Variants in SLC30A7 observed in about 807,000 individuals in gnomAD.
The protein encoded by SLC30A7 is zinc transporter 7.
A neutral mutation model predicts 46.0 loss-of-function variants in SLC30A7; 35 were observed. That is an observed-to-expected ratio of 0.76 (90% CI 0.58 to 1.01). SLC30A7 has a LOEUF of 1.01. Among genes scored for constraint, SLC30A7 ranks in the 50% least tolerant of loss-of-function variants. The pLI, the probability that SLC30A7 is intolerant of heterozygous loss-of-function variation, is 0.00. For synonymous variants in SLC30A7, 147 were observed against 157.8 expected (o/e 0.93, Z 0.51); for missense variants, 464 against 451.1 (o/e 1.03, Z -0.26).
chr1:100,949,224 A>T (rs560072580), intron 8 of SLC30A7, among the ~76,000 whole-genome samples: 1 of 152,090 alleles, frequency 6.6e-6, no homozygotes, highest in Non-Finnish European at 1.5e-5. Context: ...GGTTGATGCT[A>T]TGCCTTTCTG....
At chr1:100,991,120 A>AT in the SLC30A7 span, among the ~76,000 whole-genome samples, 16,808 of 152,274 alleles carry the variant, frequency 0.11, 1,091 homozygotes, top group Non-Finnish European at 0.15. Flanking sequence ...TTAAAATGTA[A>AT]TACTCCCTCT....
the SLC30A7 span, among the ~76,000 whole-genome samples, chr1:100,993,279 G>A: frequency 7.2e-5 from 11 of 152,116 alleles, no homozygotes; most frequent in South Asian, 1.2e-3. Context: ...CAGGCCAGGC[G>A]TGGTGGCTCA....
At chr1:100,970,033 T>C (rs2101097591) in intron 10 of SLC30A7, among the ~76,000 whole-genome samples, 1 of 152,298 alleles carries the variant, frequency 6.6e-6, no homozygotes, top group Non-Finnish European at 1.5e-5. Context: ...AAATTACATC[T>C]TATAAATTTT....
At chr1:100,985,046 T>C (rs1403773317), downstream of SLC30A7, among the ~76,000 whole-genome samples, 4 of 152,084 alleles carry the variant, frequency 2.6e-5, no homozygotes, top group Non-Finnish European at 4.4e-5. Flanking sequence ...AACATACAGA[T>C]GGACTTAACA....
At chr1:100,901,515 C>T (rs749291813) in intron 2 of SLC30A7, among the ~76,000 whole-genome samples, 11 of 152,050 alleles carry the variant, frequency 7.2e-5, no homozygotes, top group South Asian at 4.1e-4. Context: ...AATGCAGTGG[C>T]GCGATCTTGG....
chr1:100,990,248 A>C, the SLC30A7 span: 25 of 648,820 alleles, frequency 3.9e-5, no homozygotes, highest in Non-Finnish European at 4.5e-5. Context: ...TATCATGAGA[A>C]TAGCATGAGG....
Position 100,896,635 on chromosome 1 carries a change from C to G in SLC30A7, c.146C>G (p.Ala49Gly), listed in dbSNP as rs1386711576. The G allele has an allele frequency of 6.2e-7, 1 of 1,614,120 alleles. No homozygotes were observed. Among genetic ancestry groups the G allele is most frequent in the Admixed American group, 1.7e-5 (1 of 60,020 alleles). The part of the protein sequence containing the change: ...FFFLCLNLSF[A>G]FVELLYGIWS... ...TTCCTGTGCCTGAACCTCTCTTTCG[C>G]TTTTGTGGAACTACTCTACGGCATC... is the stretch of plus-strand genomic sequence containing the variant. Residue 49 changes from alanine to glycine, a missense_variant, in exon 2 of 11, where the codon GCT (alanine) becomes GGT (glycine). By Grantham distance (60) the Ala-to-Gly change is moderately conservative (BLOSUM62 0). Coordinates refer to ENST00000357650, the MANE Select transcript of SLC30A7 (RefSeq NM_133496.5).
Position 100,906,916 on chromosome 1 carries a change from G to T in SLC30A7, c.247G>T (p.Ala83Ser). 6.2e-7 allele frequency: 1 copy of T among 1,613,328 alleles called. No homozygotes were observed. The highest frequency in any genetic ancestry group is 8.5e-7 in the Non-Finnish European group (1 of 1,179,508). ...TAGCACTGCCATTTTGGCTGGACTG[G>T]CAGCTTCTGTTATTTCAAAATGGAG... ...FDSTAILAGLAASVISKWRDN... is the reference protein window; with the variant it reads ...FDSTAILAGLSASVISKWRDN... The change falls in exon 3 of 11, where the codon GCA becomes TCA. Residue 83 changes from alanine (A) to serine (S), a missense_variant. Coordinates refer to ENST00000357650, the MANE Select transcript of SLC30A7 (RefSeq NM_133496.5).
intron 5 of SLC30A7, 23 bp downstream of exon 5, chr1:100,912,261 T>C (rs764465381): frequency 6.2e-7 from 1 of 1,602,164 alleles, no homozygotes. Context: ...GGACACTTTG[T>C]TTCTTCATTT....
At chr1:100,959,363 T>C (rs531902670) in intron 8 of SLC30A7, among the ~76,000 whole-genome samples, 1 of 152,284 alleles carries the variant, frequency 6.6e-6, no homozygotes, top group African/African-American at 2.4e-5. Context: ...ATAATACACA[T>C]TATTATCTTA....
chr1:100,987,952 A>G, the SLC30A7 span, among the ~76,000 whole-genome samples: 99 of 152,280 alleles, frequency 6.5e-4, 1 homozygote, highest in African/African-American at 2.3e-3. Context: ...TCAAGGTTCT[A>G]TCAAGCCCTT....
In SLC30A7 at chr1:100,978,117, G is replaced by C. The variant is rs949434941; in HGVS notation, c.*3260G>C. On this transcript the variant is annotated 3_prime_UTR_variant, in exon 11 of 11. Transcript: ENST00000357650. ...AGATGAAGGGCTTAACATATCCACAGCTTCCTCAGTTTGCTAACTCCCCAT... is the reference window on the plus strand; with the variant it reads ...AGATGAAGGGCTTAACATATCCACACCTTCCTCAGTTTGCTAACTCCCCAT... The C allele has an allele frequency of 3.3e-5, 5 of 152,298 alleles. No individual in the cohort carries two copies. Among genetic ancestry groups the C allele is most frequent in the African/African-American group, 1.2e-4 (5 of 41,536 alleles). 9.4% of individuals were successfully genotyped at this position (152,298 alleles called of 1,614,324 possible). A position where few individuals can be genotyped will look rare whatever the true frequency, so the allele number is the denominator to read the frequency against.
chr1:100,915,197 C>CT (rs368693206), intron 6 of SLC30A7, among the ~76,000 whole-genome samples: 6,063 of 60,482 alleles, frequency 0.1, 204 homozygotes, highest in East Asian at 0.23. Context: ...TCTTTCTTTT[C>CT]TTTCTTTCTT....
intron 8 of SLC30A7, among the ~76,000 whole-genome samples, chr1:100,931,217 A>G (rs767439427): frequency 3.9e-5 from 6 of 152,182 alleles, no homozygotes; most frequent in Non-Finnish European, 8.8e-5. Flanking sequence ...TTTGTCCTCA[A>G]CACTTTCTTA....
the SLC30A7 span, among the ~76,000 whole-genome samples, chr1:100,993,559 AATATATATATATATATATATATATAT>A: frequency 5.1e-4 from 29 of 56,536 alleles, 1 homozygote; most frequent in East Asian, 5.7e-3. Flanking sequence ...CGAAAATATA[AATATATATATATATATATATATATAT>A]ATATATATAT....
chr1:100,916,023 G>A (rs1052254251), intron 6 of SLC30A7, among the ~76,000 whole-genome samples: 2 of 152,034 alleles, frequency 1.3e-5, no homozygotes, highest in African/African-American at 2.4e-5. Flanking sequence ...CTGATGATTA[G>A]TGATGTTGAG....
chr1:100,922,761 T>C (rs1653027627), intron 8 of SLC30A7, among the ~76,000 whole-genome samples: 1 of 152,220 alleles, frequency 6.6e-6, no homozygotes, highest in Non-Finnish European at 1.5e-5. Context: ...ACAGTTGTTA[T>C]CTTTTAAGTT....
At chr1:100,906,369 G>T (rs1037608119) in intron 2 of SLC30A7, among the ~76,000 whole-genome samples, 22 of 152,110 alleles carry the variant, frequency 1.4e-4, no homozygotes, top group African/African-American at 5.1e-4. Context: ...GTCAGGGTGA[G>T]TATTAATGAT....
chr1:100,954,855 C>G (rs977380624), intron 8 of SLC30A7, among the ~76,000 whole-genome samples: 4 of 151,970 alleles, frequency 2.6e-5, no homozygotes, highest in African/African-American at 9.7e-5. Context: ...ATTGCGTTAC[C>G]ATTATGGGCC....
Sources: gnomAD v4.1 joint callset for allele counts (sites outside exome capture counted in the v4.1 genomes callset) on GRCh38, gnomAD v4.1.1 for gene constraint, MANE v1.5 for transcripts, NCBI Gene and HGNC (gene_info 2026-07-23, HGNC 2026-07-21) for gene names.